ATXN7: variants seen among roughly 807,000 people sequenced by gnomAD.
ATXN7 encodes ataxin-7.
ATXN7 carries 12 observed loss-of-function variants against 70.5 expected under a neutral mutation model. The observed-to-expected ratio is 0.17, with a 90% CI of 0.11 to 0.28. The LOEUF is 0.28. Ranked by LOEUF, ATXN7 falls within the 10% of genes least tolerant of loss-of-function variation. The probability of loss-of-function intolerance (pLI) is 1.00; values close to 1 mark genes in which losing one functional copy is unlikely to be tolerated. For missense variants in ATXN7, 1,256 were observed against 1,131.7 expected, an observed-to-expected ratio of 1.11 and a Z score of -1.58; for synonymous variants, 498 against 448.7, an observed-to-expected ratio of 1.11 and a Z score of -1.39.
chr3:63,937,710 T>A (rs946375033), intron 4 of ATXN7, among the ~76,000 whole-genome samples: 15 of 152,180 alleles, frequency 9.9e-5, no homozygotes, highest in Admixed American at 6.5e-4. Flanking sequence ...AATGAAGCTT[T>A]GTAACCAGTG....
Position 63,928,449 on chromosome 3 carries a change from A to C in ATXN7, c.394+15224A>C, listed in dbSNP as rs558054481. Among the ~76,000 whole-genome samples, 112 of 152,250 alleles carry C rather than the reference A, an allele frequency of 7.4e-4. 2 individuals are homozygous for C. The South Asian group carries it at 0.021, about 29-fold the overall frequency. On this transcript the variant is annotated intron_variant, in intron 4 of 12. Transcript: ENST00000674280. ...AAGGTATTTTTGAAAAGTAATTGAT[A>C]ACTTAAAAAATTAAGCATCTTAGAC...
Position 63,952,428 on chromosome 3 carries a change from G to A in ATXN7, c.444G>A (p.Val148=), listed in dbSNP as rs774268576. ...CAGCCCATGATGATTTCTACTTGGT[G>A]GTGTGTAACGACTGTAATCAGGTTG... The part of the protein sequence containing the change: ...FCPAHDDFYL[V]VCNDCNQVVK... Residue 148 remains valine, a synonymous_variant, in exon 5 of 13, where the codon GTG becomes GTA. Transcript: ENST00000674280. 1 of 1,612,614 alleles carries A rather than the reference G, an allele frequency of 6.2e-7. No individual in the cohort carries two copies. The highest frequency in any genetic ancestry group is 2.2e-5 in the East Asian group (1 of 44,806).
At chr3:63,992,691 T>C (rs2075691210) in intron 11 of ATXN7, among the ~76,000 whole-genome samples, 1 of 152,178 alleles carries the variant, frequency 6.6e-6, no homozygotes, top group Non-Finnish European at 1.5e-5. Context: ...CTCTGTTCTG[T>C]CTGAAGGCTG....
intron 4 of ATXN7, among the ~76,000 whole-genome samples, chr3:63,950,817 A>T (rs1458592254): frequency 6.6e-6 from 1 of 152,154 alleles, no homozygotes; most frequent in Non-Finnish European, 1.5e-5. Context: ...GTAGTCACAG[A>T]AGTCTGTAGT....
upstream of ATXN7, chr3:63,863,462 C>T: frequency 8.7e-7 from 1 of 1,153,344 alleles, no homozygotes; most frequent in Admixed American, 4.8e-5. Context: ...GTCTCGGCCA[C>T]CCACGTGTGT....
chr3:63,912,536 T>TA, intron 2 of ATXN7, 52 bp from the exon 3 acceptor site: 3 of 1,066,290 alleles, frequency 2.8e-6, no homozygotes, highest in South Asian at 2.3e-5. Flanking sequence ...GGCGCCTCCT[T>TA]AAAAAACGGC....
chr3:63,918,246 G>A (rs540796281), intron 4 of ATXN7, among the ~76,000 whole-genome samples: 2 of 152,162 alleles, frequency 1.3e-5, no homozygotes, highest in South Asian at 4.1e-4. Flanking sequence ...AACACAGACT[G>A]AGTCAACAGA....
At chr3:63,927,952 G>A (rs1192136994) in intron 4 of ATXN7, among the ~76,000 whole-genome samples, 1 of 152,158 alleles carries the variant, frequency 6.6e-6, no homozygotes, top group Non-Finnish European at 1.5e-5. Context: ...AAAGCTGGTG[G>A]CTGTTGCTGA....
At chr3:63,899,429 A>G (rs1575864019) in intron 2 of ATXN7, among the ~76,000 whole-genome samples, 1 of 152,012 alleles carries the variant, frequency 6.6e-6, no homozygotes, top group East Asian at 1.9e-4. Flanking sequence ...ATAGTGGTGA[A>G]GTTTCACATA....
intron 4 of ATXN7, among the ~76,000 whole-genome samples, chr3:63,914,259 C>A (rs751796570): frequency 6.6e-6 from 1 of 152,202 alleles, no homozygotes; most frequent in Non-Finnish European, 1.5e-5. Context: ...ATTTCCTTCT[C>A]GCTTTTCACA....
At chr3:63,897,610 T>G (rs538327672) in intron 1 of ATXN7, among the ~76,000 whole-genome samples, 1 of 152,296 alleles carries the variant, frequency 6.6e-6, no homozygotes, top group South Asian at 2.1e-4. Flanking sequence ...GTGAGAATTA[T>G]AGGGAGAGAA....
chr3:63,965,064 T>C (rs1186706555), intron 5 of ATXN7, among the ~76,000 whole-genome samples: 2 of 152,192 alleles, frequency 1.3e-5, no homozygotes, highest in African/African-American at 4.8e-5. Context: ...ACACCTCTGC[T>C]GGCTTCTCAA....
rs1399892964 is a variant in ATXN7 at position 63,996,060 on chromosome 3, C to T, written c.2238C>T (p.Tyr746=). 1 of 1,614,080 alleles carries T rather than the reference C, an allele frequency of 6.2e-7. No homozygotes were observed. The highest frequency in any genetic ancestry group is 8.5e-7 in the Non-Finnish European group (1 of 1,180,042). ...GTGTGGCTCACTCTGGGCCTCCCTA[C>T]CCCTCAACGGTAACATCTTCCCATA... is the stretch of plus-strand genomic sequence containing the variant. The part of the protein sequence containing the change: ...KNCVAHSGPP[Y]PSTVTSSHSI... Residue 746 remains tyrosine, a synonymous_variant, in exon 12 of 13, where the codon TAC becomes TAT. Coordinates refer to ENST00000674280, the MANE Select transcript of ATXN7 (RefSeq NM_001377405.1).
intron 5 of ATXN7, among the ~76,000 whole-genome samples, chr3:63,958,559 C>G (rs2075073554): frequency 2.0e-5 from 3 of 152,110 alleles, no homozygotes; most frequent in Admixed American, 1.3e-4. Context: ...ACTTCCCTCC[C>G]CTTTTGCTCT....
rs749425252 is a variant in ATXN7, at chr3:63,980,053, G to C, written c.638G>C (p.Ser213Thr). ...SNRSSSGGVL[S>T]ASSSSSKLLK... The stretch of plus-strand genomic sequence containing the variant: ...CGTTCTTCCAGTGGAGGTGTTCTTA[G>C]CGCATCCTCATCAAGTTCCAAGTTG... The change falls in exon 6 of 13, where the codon AGC becomes ACC. Residue 213 changes from serine to threonine, a missense_variant. Coordinates refer to ENST00000674280, the MANE Select transcript of ATXN7 (RefSeq NM_001377405.1). 3.1e-6 allele frequency: 5 copies of C among 1,614,192 alleles called. No individual in the cohort carries two copies. The highest frequency in any genetic ancestry group is 4.2e-6 in the Non-Finnish European group (5 of 1,180,044).
chr3:63,905,174 A>G (rs1392914390), intron 2 of ATXN7: 2 of 152,066 alleles, frequency 1.3e-5, no homozygotes, highest in Non-Finnish European at 2.9e-5. Context: ...AGTTCAATTT[A>G]CCCATTTGGC....
chr3:63,964,073 AACACACACACACACACACAC>A lies in ATXN7; in HGVS notation c.499+11607_499+11626del, dbSNP rs10557844. The stretch of plus-strand genomic sequence containing the variant: ...TCTTACAATGTTCCTTAGACACATA[AACACACACACACACACACAC>A]ACACACACACACACACGTATGATTA... On this transcript the variant is annotated intron_variant, in intron 5 of 12. Transcript: ENST00000674280. 2.8e-3 allele frequency among the ~76,000 whole-genome samples: 413 copies of A among 147,182 alleles called. 2 individuals are homozygous for A. Among genetic ancestry groups the A allele is most frequent in the African/African-American group, 9.7e-3 (390 of 40,196 alleles).
chr3:63,897,383 A>G (rs1438611790), intron 1 of ATXN7, among the ~76,000 whole-genome samples: 7 of 152,246 alleles, frequency 4.6e-5, no homozygotes, highest in African/African-American at 1.7e-4. Context: ...AGAGGGAAGC[A>G]GTATGACCTG....
chr3:63,990,072 C>G lies in ATXN7; in HGVS notation c.1362-104C>G, dbSNP rs563050225. 2.7e-6 allele frequency: 3 copies of G among 1,131,442 alleles called. No homozygotes were observed. In the African/African-American group the frequency reaches 4.6e-5, roughly 17 times the overall value. 70.1% of individuals were successfully genotyped at this position (1,131,442 alleles called of 1,614,324 possible). On this transcript the variant is annotated intron_variant, in intron 9 of 12. Coordinates refer to ENST00000674280, the MANE Select transcript of ATXN7 (RefSeq NM_001377405.1). ...TTTCCCCCAGTGCTAGAGGTGGAACCCAGGCCTCTGCTAGGTTGTTTTGGA... is the reference window on the plus strand; with the variant it reads ...TTTCCCCCAGTGCTAGAGGTGGAACGCAGGCCTCTGCTAGGTTGTTTTGGA...
Sources: allele counts gnomAD v4.1 joint callset (sites outside exome capture counted in the v4.1 genomes callset), GRCh38; gene constraint gnomAD v4.1.1; transcripts MANE v1.5; gene names NCBI Gene and HGNC (gene_info 2026-07-23, HGNC 2026-07-21).